CLSTN2: variants seen among roughly 807,000 people sequenced by gnomAD.
CLSTN2 encodes calsyntenin 2, also known as calsyntenin-2.
Under a neutral mutation model 101.2 loss-of-function variants are expected in CLSTN2, and 48 were observed. The observed-to-expected ratio is 0.47, with a 90% CI of 0.38 to 0.60. The LOEUF (loss-of-function observed/expected upper bound fraction) is 0.60, where lower values mean the gene tolerates loss of function less well. CLSTN2 is among the 20% of genes least tolerant of loss of function. The pLI is 0.00. For synonymous variants in CLSTN2, 481 were observed against 463.6 expected (o/e 1.04, Z -0.48); for missense variants, 1,160 against 1,238.2 (o/e 0.94, Z 0.95).
Position 140,116,974 on chromosome 3 carries a change from G to A in CLSTN2, c.110-58977G>A, listed in dbSNP as rs182844193. On this transcript the variant is annotated intron_variant, in intron 1 of 16. Transcript: ENST00000458420. ...TCAGTGTACTATTGGCTTTTGGTCA[G>A]TCTTCTGAAATTGCTCCCATATTCT... 1.1e-3 allele frequency among the ~76,000 whole-genome samples: 172 copies of A among 152,298 alleles called. 1 individual carries two copies. Among genetic ancestry groups the A allele is most frequent in the Non-Finnish European group, 1.7e-3 (118 of 68,030 alleles).
rs571219225 is a variant in CLSTN2 at position 140,490,610 on chromosome 3, A to C, written c.1344+23879A>C. ...ACCTTGTCTCAGAAAAAAAAAAAAA[A>C]AAAAAACATGGCACATCCACTGGGA... On this transcript the variant is annotated intron_variant, in intron 8 of 16. Transcript: ENST00000458420. Among the ~76,000 whole-genome samples the C allele has an allele frequency of 1.3e-4, 19 of 151,728 alleles. No individual in the cohort carries two copies. In the East Asian group the frequency reaches 3.7e-3, roughly 29 times the overall value.
At chr3:140,227,647 G>A (rs1230328918) in intron 2 of CLSTN2, among the ~76,000 whole-genome samples, 3 of 152,342 alleles carry the variant, frequency 2.0e-5, no homozygotes, top group East Asian at 3.9e-4. Context: ...CCCTAGCAAA[G>A]GTTCTCAACA....
At chr3:140,526,232 T>C (rs1225296424) in intron 8 of CLSTN2, among the ~76,000 whole-genome samples, 1 of 152,036 alleles carries the variant, frequency 6.6e-6, no homozygotes. Context: ...GATACAAAAT[T>C]AATGTACAAA....
chr3:140,417,295 C>T lies in CLSTN2; in HGVS notation c.638-3830C>T, dbSNP rs369876834. ...CATAGACATTATACTTAGCTCTTCC[C>T]TTATAGTGTCAGGCTATTTTTCAGT... On this transcript the variant is annotated intron_variant, in intron 4 of 16. Coordinates refer to ENST00000458420, the MANE Select transcript of CLSTN2 (RefSeq NM_022131.3). Among the ~76,000 whole-genome samples the T allele has an allele frequency of 3.5e-4, 53 of 152,224 alleles. 1 individual carries two copies. In the East Asian group the frequency reaches 8.5e-3, roughly 24 times the overall value.
chr3:140,002,164 G>T (rs2006856384), intron 1 of CLSTN2, among the ~76,000 whole-genome samples: 1 of 152,152 alleles, frequency 6.6e-6, no homozygotes, highest in East Asian at 1.9e-4. Flanking sequence ...GTAGTGGGAT[G>T]TACTCATTTA....
intron 2 of CLSTN2, among the ~76,000 whole-genome samples, chr3:140,187,095 C>A (rs2010495791): frequency 6.6e-6 from 1 of 152,174 alleles, no homozygotes; most frequent in Admixed American, 6.5e-5. Context: ...CCCTTGAAGT[C>A]CCTAAAGAGG....
At chr3:140,434,710 C>T (rs752822731) in intron 5 of CLSTN2, among the ~76,000 whole-genome samples, 21 of 152,178 alleles carry the variant, frequency 1.4e-4, no homozygotes, top group South Asian at 2.1e-4. Flanking sequence ...TTAACTGCTA[C>T]GCCTCCAGGG....
At chr3:140,491,765 T>C (rs1265043003) in intron 8 of CLSTN2, among the ~76,000 whole-genome samples, 1 of 152,146 alleles carries the variant, frequency 6.6e-6, no homozygotes, top group Non-Finnish European at 1.5e-5. Flanking sequence ...GAGGCTGCAG[T>C]GAGCCGAAAT....
intron 1 of CLSTN2, among the ~76,000 whole-genome samples, chr3:140,095,015 C>T (rs1261854187): frequency 6.6e-6 from 1 of 152,178 alleles, no homozygotes; most frequent in Non-Finnish European, 1.5e-5. Flanking sequence ...GATTATAGAA[C>T]TTTAAGTAGA....
intron 2 of CLSTN2, among the ~76,000 whole-genome samples, chr3:140,315,829 G>C (rs2087223883): frequency 6.6e-6 from 1 of 152,150 alleles, no homozygotes; most frequent in South Asian, 2.1e-4. Context: ...TCCAAAGCAG[G>C]AGCTATCGGC....
At chr3:140,368,389 C>T (rs1415873990) in intron 2 of CLSTN2, among the ~76,000 whole-genome samples, 2 of 152,248 alleles carry the variant, frequency 1.3e-5, no homozygotes, top group Non-Finnish European at 2.9e-5. Context: ...CCAGGTTGTT[C>T]ATTGCCCTGG....
At chr3:140,061,786 C>T (rs13322299) in intron 1 of CLSTN2, among the ~76,000 whole-genome samples, 15,712 of 152,214 alleles carry the variant, frequency 0.1, 1,033 homozygotes, top group African/African-American at 0.18. Flanking sequence ...CTGTTTCTTG[C>T]CATAGTGCCT....
intron 2 of CLSTN2, among the ~76,000 whole-genome samples, chr3:140,298,223 C>A (rs2107907912): frequency 6.6e-6 from 1 of 152,306 alleles, no homozygotes; most frequent in Non-Finnish European, 1.5e-5. Context: ...TTGGCCAAAT[C>A]ACTTAATATG....
At chr3:140,324,297 T>A (rs1165977741) in intron 2 of CLSTN2, among the ~76,000 whole-genome samples, 1 of 152,198 alleles carries the variant, frequency 6.6e-6, no homozygotes, top group Non-Finnish European at 1.5e-5. Flanking sequence ...TAGGAAACAA[T>A]CTAATAATCA....
At position 140,038,010 on chromosome 3, in the gene CLSTN2, C is replaced by T. The variant is rs1576405408; in HGVS notation, c.109+102527C>T. Among the ~76,000 whole-genome samples, 3 of 152,130 alleles carry T rather than the reference C, an allele frequency of 2.0e-5. No homozygotes were observed. In the South Asian group the frequency reaches 6.2e-4, roughly 31 times the overall value. On this transcript the variant is annotated intron_variant, in intron 1 of 16. Coordinates refer to ENST00000458420, the MANE Select transcript of CLSTN2 (RefSeq NM_022131.3). ...TGAATAGTGCTGCAATGAACATACA[C>T]GTGCAAGTATCTCTATAACAGAATG...
chr3:140,250,107 A>G (rs527902702), intron 2 of CLSTN2, among the ~76,000 whole-genome samples: 1 of 152,166 alleles, frequency 6.6e-6, no homozygotes, highest in Non-Finnish European at 1.5e-5. Flanking sequence ...TGTTTTTTGG[A>G]GGGATAAAGC....
chr3:140,254,775 T>A lies in CLSTN2; in HGVS notation c.232+78702T>A, dbSNP rs2086591474. 3.3e-5 allele frequency among the ~76,000 whole-genome samples: 5 copies of A among 152,046 alleles called. No homozygotes were observed. The South Asian group carries it at 1.0e-3, about 32-fold the overall frequency. On this transcript the variant is annotated intron_variant, in intron 2 of 16. Transcript: ENST00000458420. ...ATTTAGGACCTCAGTCCTGGAAAAA[T>A]TTTATAATGAAGACTCCAAAAGAAA...
intron 2 of CLSTN2, among the ~76,000 whole-genome samples, chr3:140,323,083 A>G (rs1482932013): frequency 6.6e-6 from 1 of 152,252 alleles, no homozygotes; most frequent in Non-Finnish European, 1.5e-5. Flanking sequence ...GCTTGAGAAC[A>G]TAAGCACATT....
At chr3:140,005,451 A>G (rs1054739008) in intron 1 of CLSTN2, among the ~76,000 whole-genome samples, 5 of 152,112 alleles carry the variant, frequency 3.3e-5, no homozygotes, top group Non-Finnish European at 1.5e-5. Context: ...ATGTAGTCCC[A>G]TCAGGGCCCT....
Sources: allele counts gnomAD v4.1 joint callset (sites outside exome capture counted in the v4.1 genomes callset), GRCh38; gene constraint gnomAD v4.1.1; transcripts MANE v1.5; gene names NCBI Gene and HGNC (gene_info 2026-07-23, HGNC 2026-07-21).